The following DPP6 variants were observed in gnomAD, a reference collection of about 807,000 sequenced individuals.
DPP6 encodes the protein dipeptidyl peptidase like 6.
A neutral mutation model predicts 122.6 loss-of-function variants in DPP6; 69 were observed. The observed-to-expected ratio is 0.56, with a 90% CI of 0.46 to 0.69. The LOEUF (loss-of-function observed/expected upper bound fraction) is 0.69, where lower values mean the gene tolerates loss of function less well. Among genes scored for constraint, DPP6 ranks in the 30% least tolerant of loss-of-function variants. The pLI, the probability that DPP6 is intolerant of heterozygous loss-of-function variation, is 0.00. For synonymous variants in DPP6, 418 were observed against 433.1 expected, an observed-to-expected ratio of 0.97 and a Z score of 0.43; for missense variants, 928 against 1,116.9, an observed-to-expected ratio of 0.83 and a Z score of 2.41.
At chr7:154,334,727 C>T (rs371671169) in intron 1 of DPP6, among the ~76,000 whole-genome samples, 1 of 152,170 alleles carries the variant, frequency 6.6e-6, no homozygotes, top group African/African-American at 2.4e-5. Flanking sequence ...GAAACCCCAT[C>T]TCTACTAAAA....
chr7:154,394,455 G>A (rs866755486), intron 1 of DPP6, among the ~76,000 whole-genome samples: 1 of 150,820 alleles, frequency 6.6e-6, no homozygotes, highest in South Asian at 2.1e-4. Context: ...TGTATTTTTT[G>A]AGTTTTAGAA....
chr7:154,229,173 A>T (rs1372709090), intron 1 of DPP6, among the ~76,000 whole-genome samples: 3 of 152,154 alleles, frequency 2.0e-5, no homozygotes, highest in Admixed American at 1.3e-4. Context: ...TGAGCATCCC[A>T]AAAAACTTGC....
chr7:154,175,939 C>CG (rs1797780343), intron 1 of DPP6, among the ~76,000 whole-genome samples: 1 of 152,084 alleles, frequency 6.6e-6, no homozygotes, highest in Non-Finnish European at 1.5e-5. Flanking sequence ...CCACCCACCT[C>CG]GGCCTCCCAA....
At chr7:154,272,993 C>T (rs1339561626) in intron 1 of DPP6, among the ~76,000 whole-genome samples, 1 of 152,180 alleles carries the variant, frequency 6.6e-6, no homozygotes, top group Non-Finnish European at 1.5e-5. Flanking sequence ...AGAAAAGTCA[C>T]CCATTTCATT....
At chr7:153,919,435 T>A (rs1238580085) in intron 1 of DPP6, among the ~76,000 whole-genome samples, 2 of 152,080 alleles carry the variant, frequency 1.3e-5, no homozygotes, top group Non-Finnish European at 2.9e-5. Flanking sequence ...TGCATGTGAG[T>A]CCTTAAACAC....
At chr7:154,478,567 T>G (rs1052366124) in intron 3 of DPP6, among the ~76,000 whole-genome samples, 2 of 151,960 alleles carry the variant, frequency 1.3e-5, no homozygotes, top group East Asian at 3.9e-4. Flanking sequence ...TATATATATA[T>G]AGACATTTAA....
At chr7:153,928,178 T>C (rs1800992675) in intron 1 of DPP6, among the ~76,000 whole-genome samples, 1 of 151,718 alleles carries the variant, frequency 6.6e-6, no homozygotes, top group Non-Finnish European at 1.5e-5. Flanking sequence ...TGCCAATAGA[T>C]TTGGTGTCTA....
intron 1 of DPP6, among the ~76,000 whole-genome samples, chr7:154,075,989 A>G (rs954100158): frequency 1.3e-5 from 2 of 151,716 alleles, no homozygotes; most frequent in African/African-American, 4.8e-5. Flanking sequence ...GTTTCAATAT[A>G]TAGGCTAAAT....
At chr7:153,923,875 T>C (rs1800765966) in intron 1 of DPP6, among the ~76,000 whole-genome samples, 1 of 151,478 alleles carries the variant, frequency 6.6e-6, no homozygotes, top group African/African-American at 2.4e-5. Context: ...TAGTCATCGG[T>C]GGATCCCTTT....
At chr7:153,871,104 C>A in the DPP6 span, among the ~76,000 whole-genome samples, 17 of 152,300 alleles carry the variant, frequency 1.1e-4, 1 homozygote, top group Admixed American at 9.8e-4. Flanking sequence ...GTCAGGAACC[C>A]ACGTGAGGAG....
At chr7:153,837,107 C>T in the DPP6 span, among the ~76,000 whole-genome samples, 4,263 of 152,222 alleles carry the variant, frequency 0.028, 186 homozygotes, top group African/African-American at 0.096. Context: ...CATAGAGTTT[C>T]TTTTTAGATC....
intron 1 of DPP6, among the ~76,000 whole-genome samples, chr7:154,156,412 C>A (rs1378903875): frequency 6.6e-6 from 1 of 152,168 alleles, no homozygotes; most frequent in Non-Finnish European, 1.5e-5. Flanking sequence ...TACCCTCTCC[C>A]AAAATACAAA....
rs114308730 is a variant in DPP6, at chr7:154,796,391, C to G, written c.1299+508C>G. On this transcript the variant is annotated intron_variant, in intron 12 of 25. Coordinates refer to ENST00000377770, the MANE Select transcript of DPP6 (RefSeq NM_130797.4). ...TTCATCCCTAACTCAGATAAAGGAACACACATTAAAACAGACTCTAGGAAC... is the reference window on the plus strand; with the variant it reads ...TTCATCCCTAACTCAGATAAAGGAAGACACATTAAAACAGACTCTAGGAAC... Among the ~76,000 whole-genome samples, 1,426 of 152,314 alleles carry G rather than the reference C, an allele frequency of 9.4e-3. 27 individuals are homozygous for G. The highest frequency in any genetic ancestry group is 0.033 in the African/African-American group (1,368 of 41,572).
In DPP6 at chr7:154,769,482, G is replaced by A. The variant is rs370802575; in HGVS notation, c.949G>A (p.Ala317Thr). Residue 317 changes from alanine to threonine, a missense_variant, in exon 9 of 26, where the codon GCC (alanine) becomes ACC (threonine). By Grantham distance (58) the Ala-to-Thr change is moderately conservative. Transcript: ENST00000377770. ...GGATGGCACGAGACTCGCCTACGCCGCCATCAATGATTCCCGTGTCCCCAT... is the reference window on the plus strand; with the variant it reads ...GGATGGCACGAGACTCGCCTACGCCACCATCAATGATTCCCGTGTCCCCAT... ...SPDGTRLAYA[A>T]INDSRVPIME... is the part of the protein sequence containing the mutation. The A allele has an allele frequency of 5.0e-5, 81 of 1,613,386 alleles. No homozygotes were observed. Among genetic ancestry groups the A allele is most frequent in the Admixed American group, 1.2e-4 (7 of 59,972 alleles).
At chr7:153,981,837 A>ATT (rs1011881520) in intron 1 of DPP6, among the ~76,000 whole-genome samples, 3 of 145,914 alleles carry the variant, frequency 2.1e-5, no homozygotes, top group Non-Finnish European at 3.0e-5. Context: ...TCTGGGTTGA[A>ATT]TTTTTTTTTT....
rs58398835 is a variant in DPP6, at chr7:154,087,671, G to C, written c.243+34608G>C. ...AGGCTCTTAGTTTAAAAGGTCCTCT[G>C]GTCCTTTGCTGCCCCGTTCTTGCTT... On this transcript the variant is annotated intron_variant, in intron 1 of 25. Coordinates refer to ENST00000377770, the MANE Select transcript of DPP6 (RefSeq NM_130797.4). Among the ~76,000 whole-genome samples the C allele has an allele frequency of 9.6e-3, 1,468 of 152,256 alleles. 26 individuals carry two copies. The highest frequency in any genetic ancestry group is 0.033 in the African/African-American group (1,357 of 41,546).
chr7:154,313,685 G>GTGTATATATATATATATATATATATA, intron 1 of DPP6, among the ~76,000 whole-genome samples: 1 of 20,468 alleles, frequency 4.9e-5, no homozygotes, highest in African/African-American at 1.3e-4. Flanking sequence ...TTAAGATATG[G>GTGTATATATATATATATATATATATA]TATATATATA....
Position 154,818,732 on chromosome 7 carries a change from C to T in DPP6, c.1666+11620C>T, listed in dbSNP as rs183225141. Among the ~76,000 whole-genome samples the T allele has an allele frequency of 1.6e-4, 24 of 152,288 alleles. No homozygotes were observed. In the East Asian group the frequency reaches 4.2e-3, roughly 27 times the overall value. ...ATTTATCCAAGTGAATGTTTAGAACCGGTTTGAAGCTCCTTGGAGCATTGC... is the reference window on the plus strand; with the variant it reads ...ATTTATCCAAGTGAATGTTTAGAACTGGTTTGAAGCTCCTTGGAGCATTGC... On this transcript the variant is annotated intron_variant, in intron 16 of 25. Coordinates refer to ENST00000377770, the MANE Select transcript of DPP6 (RefSeq NM_130797.4).
intron 12 of DPP6, among the ~76,000 whole-genome samples, chr7:154,799,044 A>G (rs1028211395): frequency 7.9e-5 from 12 of 152,252 alleles, no homozygotes; most frequent in Non-Finnish European, 1.6e-4. Context: ...AATGGGTCAC[A>G]GAAGCTTGCC....
Sources: allele counts gnomAD v4.1 joint callset (sites outside exome capture counted in the v4.1 genomes callset), GRCh38; gene constraint gnomAD v4.1.1; transcripts MANE v1.5; gene names NCBI Gene and HGNC (gene_info 2026-07-23, HGNC 2026-07-21).